Variants in ALOX5 observed in about 807,000 individuals in gnomAD.
The protein encoded by ALOX5 is arachidonate 5-lipoxygenase.
Under a neutral mutation model 87.9 loss-of-function variants are expected in ALOX5, and 64 were observed. The ratio of observed to expected loss-of-function variants is 0.73; its 90% CI spans 0.60 to 0.90. The LOEUF (loss-of-function observed/expected upper bound fraction) is 0.90, where lower values mean the gene tolerates loss of function less well. Ranked by LOEUF, ALOX5 falls within the 40% of genes least tolerant of loss-of-function variation. ALOX5 has a pLI of 0.00. For synonymous variants in ALOX5, 388 were observed against 355.1 expected (o/e 1.09, Z -1.04); for missense variants, 822 against 907.5 (o/e 0.91, Z 1.21).
At position 45,382,625 on chromosome 10, in the gene ALOX5, T is replaced by A. The variant is rs188284159; in HGVS notation, c.293T>A (p.Phe98Tyr). The change falls in exon 2 of 14, where the codon TTC becomes TAC. Residue 98 changes from phenylalanine (F) to tyrosine (Y), a missense_variant. Coordinates refer to ENST00000374391, the MANE Select transcript of ALOX5 (RefSeq NM_000698.5). ...ACGCCCCACGGGGACTACATCGAGT[T>A]CCCCTGCTACCGCTGGATCACCGGC... ...LKTPHGDYIEFPCYRWITGDV... is the reference protein window; with the variant it reads ...LKTPHGDYIEYPCYRWITGDV... The A allele has an allele frequency of 1.9e-6, 3 of 1,614,044 alleles. No homozygotes were observed. In the East Asian group the frequency reaches 6.7e-5, roughly 36 times the overall value.
chr10:45,410,417 T>C (rs537400171), intron 3 of ALOX5, among the ~76,000 whole-genome samples: 10 of 152,344 alleles, frequency 6.6e-5, no homozygotes, highest in African/African-American at 2.2e-4. Flanking sequence ...GGACGTAGAA[T>C]ATTCTAAATA....
At chr10:45,381,837 C>A (rs1435508190) in intron 1 of ALOX5, among the ~76,000 whole-genome samples, 1 of 152,226 alleles carries the variant, frequency 6.6e-6, no homozygotes, top group Non-Finnish European at 1.5e-5. Flanking sequence ...CAGGGGCAGG[C>A]CTTCAGTGAA....
intron 7 of ALOX5, among the ~76,000 whole-genome samples, chr10:45,435,003 A>G (rs900853616): frequency 6.6e-6 from 1 of 152,230 alleles, no homozygotes; most frequent in African/African-American, 2.4e-5. Context: ...TCCTTACCCA[A>G]AAAACAAATT....
chr10:45,378,390 G>A (rs1839705037), intron 1 of ALOX5, among the ~76,000 whole-genome samples: 1 of 152,186 alleles, frequency 6.6e-6, no homozygotes, highest in African/African-American at 2.4e-5. Context: ...TGCTCTCTGA[G>A]CCTCAGTTTC....
chr10:45,386,228 G>A (rs1265461430), intron 2 of ALOX5, among the ~76,000 whole-genome samples: 1 of 151,806 alleles, frequency 6.6e-6, no homozygotes, highest in Non-Finnish European at 1.5e-5. Context: ...GTGAACCTGG[G>A]AAGTGGAGCT....
chr10:45,410,421 C>T (rs1029033780), intron 3 of ALOX5, among the ~76,000 whole-genome samples: 1 of 152,158 alleles, frequency 6.6e-6, no homozygotes, highest in Non-Finnish European at 1.5e-5. Flanking sequence ...GTAGAATATT[C>T]TAAATAAACC....
At chr10:45,409,896 T>G (rs1311051565) in intron 3 of ALOX5, among the ~76,000 whole-genome samples, 5 of 152,272 alleles carry the variant, frequency 3.3e-5, no homozygotes, top group Non-Finnish European at 5.9e-5. Flanking sequence ...CCATGTGCTG[T>G]GAGGCCATCA....
In ALOX5 at chr10:45,443,805, C is replaced by T. The variant is rs1842332672; in HGVS notation, c.1651C>T (p.His551Tyr). 6.2e-7 allele frequency: 1 copy of T among 1,609,766 alleles called. No individual in the cohort carries two copies. The highest frequency in any genetic ancestry group is 8.5e-7 in the Non-Finnish European group (1 of 1,178,420). ...TVVIFTASAQHAAVNFGQYDW... is the reference protein window; with the variant it reads ...TVVIFTASAQYAAVNFGQYDW... ...GGTGATCTTCACCGCCTCCGCCCAG[C>T]ACGCCGCGGTCAACTTCGGCCAGGT... The change falls in exon 12 of 14, where the codon CAC (histidine) becomes TAC (tyrosine). Residue 551 changes from histidine to tyrosine, a missense_variant. Physicochemically the swap from His to Tyr is moderately conservative, Grantham distance 83. Transcript: ENST00000374391.
At chr10:45,412,944 T>C (rs1311704757) in intron 4 of ALOX5, among the ~76,000 whole-genome samples, 1 of 152,230 alleles carries the variant, frequency 6.6e-6, no homozygotes, top group African/African-American at 2.4e-5. Flanking sequence ...GTTAAACATA[T>C]GGATCCCCCG....
intron 6 of ALOX5, among the ~76,000 whole-genome samples, chr10:45,427,446 T>C (rs1019006233): frequency 6.6e-6 from 1 of 152,068 alleles, no homozygotes; most frequent in African/African-American, 2.4e-5. Flanking sequence ...TGCTCAGAGC[T>C]CATCCCTGGT....
intron 2 of ALOX5, among the ~76,000 whole-genome samples, chr10:45,383,591 G>A (rs1215766369): frequency 1.3e-5 from 2 of 152,246 alleles, no homozygotes; most frequent in African/African-American, 4.8e-5. Flanking sequence ...TGTAGCTAGT[G>A]TGTTCTTCAC....
chr10:45,427,354 C>T (rs763909637), intron 6 of ALOX5, among the ~76,000 whole-genome samples: 7 of 152,196 alleles, frequency 4.6e-5, no homozygotes, highest in Non-Finnish European at 8.8e-5. Context: ...TCCACCTGCC[C>T]CCCTCAACAC....
chr10:45,441,911 AC>A (rs1842247498), intron 9 of ALOX5, among the ~76,000 whole-genome samples: 1 of 151,692 alleles, frequency 6.6e-6, no homozygotes, highest in African/African-American at 2.4e-5. Flanking sequence ...CTCAGGTAGC[AC>A]CCCACCTCGT....
In ALOX5 at chr10:45,386,218, G is replaced by A. The variant is rs564651858; in HGVS notation, c.349+3537G>A. Among the ~76,000 whole-genome samples the A allele has an allele frequency of 2.0e-4, 30 of 151,848 alleles. No individual in the cohort carries two copies. The East Asian group carries it at 3.7e-3, about 19-fold the overall frequency. On this transcript the variant is annotated intron_variant, in intron 2 of 13. Coordinates refer to ENST00000374391, the MANE Select transcript of ALOX5 (RefSeq NM_000698.5). Reference sequence around the variant, plus strand: ...TGGGAGGCTGAGGCAGGAGAATGGCGTGAACCTGGGAAGTGGAGCTTGCAG... The same window carrying A: ...TGGGAGGCTGAGGCAGGAGAATGGCATGAACCTGGGAAGTGGAGCTTGCAG...
intron 2 of ALOX5, among the ~76,000 whole-genome samples, chr10:45,392,229 G>A (rs867298611): frequency 2.6e-5 from 4 of 152,336 alleles, no homozygotes; most frequent in African/African-American, 4.8e-5. Context: ...CATTGAGAAC[G>A]GGCCATGATG....
intron 5 of ALOX5, 63 bp from the exon 6 acceptor site, chr10:45,424,897 G>A (rs545601125): frequency 8.8e-6 from 14 of 1,589,206 alleles, no homozygotes; most frequent in Middle Eastern, 1.7e-4. Flanking sequence ...GAGGTCAGGA[G>A]GGCCATGGCC....
Position 45,425,239 on chromosome 10 carries a change from C to G in ALOX5, c.834+107C>G. On this transcript the variant is annotated intron_variant, in intron 6 of 13. Transcript: ENST00000374391. This position sits in a 1 kb window ranked among gnomAD's most constrained non-coding sequence, Gnocchi z 4.4. ...GCCACCAAGACGCTAACTGCAGGCCCATCTGGCCTACAGCAGCCGCTTCCT... is the reference window on the plus strand; with the variant it reads ...GCCACCAAGACGCTAACTGCAGGCCGATCTGGCCTACAGCAGCCGCTTCCT... 7.4e-7 allele frequency: 1 copy of G among 1,353,244 alleles called. No homozygotes were observed. Among genetic ancestry groups the G allele is most frequent in the Non-Finnish European group, 9.9e-7 (1 of 1,008,762 alleles). 83.8% of individuals were successfully genotyped at this position (1,353,244 alleles called of 1,614,324 possible).
chr10:45,375,115 C>A (rs532170636), intron 1 of ALOX5, among the ~76,000 whole-genome samples: 2 of 152,214 alleles, frequency 1.3e-5, no homozygotes, highest in Admixed American at 6.5e-5. Context: ...CAGGACAGTC[C>A]CCAGAGGAAA....
chr10:45,392,027 C>T (rs36093253), intron 2 of ALOX5, among the ~76,000 whole-genome samples: 56,582 of 150,726 alleles, frequency 0.38, 11,259 homozygotes, highest in East Asian at 0.61. Context: ...CCGCCCCGTC[C>T]GGGAGGGGAG....
Sources: allele counts gnomAD v4.1 joint callset (sites outside exome capture counted in the v4.1 genomes callset), GRCh38; gene constraint gnomAD v4.1.1; non-coding constraint Gnocchi (gnomAD v3.1); transcripts MANE v1.5; gene names NCBI Gene and HGNC (gene_info 2026-07-23, HGNC 2026-07-21).